The following CD163L1 variants were observed in gnomAD, a reference collection of about 807,000 sequenced individuals.
The protein encoded by CD163L1 is CD163 molecule like 1.
Under a neutral mutation model 165.4 loss-of-function variants are expected in CD163L1, and 124 were observed. The observed-to-expected ratio is 0.75, with a 90% CI of 0.65 to 0.87. The LOEUF is 0.87. CD163L1 is among the 40% of genes least tolerant of loss of function. The probability of loss-of-function intolerance (pLI) is 0.00; values close to 1 mark genes in which losing one functional copy is unlikely to be tolerated. For synonymous variants in CD163L1, 585 were observed against 662.2 expected (o/e 0.88, Z 1.79); for missense variants, 1,525 against 1,799.9 (o/e 0.85, Z 2.76).
chr12:7,396,536 G>T, intron 7 of CD163L1, 121 bp from the exon 8 acceptor site: 1 of 961,322 alleles, frequency 1.0e-6, no homozygotes, highest in Non-Finnish European at 1.5e-6. Flanking sequence ...GTGCTGTGAA[G>T]GTATTTTTTC....
At chr12:7,327,346 G>A in the CD163L1 span, among the ~76,000 whole-genome samples, 1 of 152,156 alleles carries the variant, frequency 6.6e-6, no homozygotes, top group Non-Finnish European at 1.5e-5. Context: ...GGACTAACTA[G>A]TCCCATTCTG....
chr12:7,375,265 A>G lies in CD163L1; in HGVS notation c.3001+16T>C. The G allele has an allele frequency of 1.9e-6, 3 of 1,611,540 alleles. No individual in the cohort carries two copies. The highest frequency in any genetic ancestry group is 2.5e-6 in the Non-Finnish European group (3 of 1,178,238). ...GCTATATTGACAGTAGTTAACCATA[A>G]GCACTATTCTCTTACCTGTGCAGAT... On this transcript the variant is annotated intron_variant, in intron 11 of 19. Coordinates refer to ENST00000313599, the MANE Select transcript of CD163L1 (RefSeq NM_174941.6).
chr12:7,331,530 C>T, the CD163L1 span, among the ~76,000 whole-genome samples: 9 of 152,332 alleles, frequency 5.9e-5, no homozygotes, highest in Middle Eastern at 3.4e-3. Flanking sequence ...GGGAGGCACC[C>T]CCCAGTAGGG....
At chr12:7,332,772 T>G in the CD163L1 span, among the ~76,000 whole-genome samples, 2 of 151,808 alleles carry the variant, frequency 1.3e-5, no homozygotes, top group Admixed American at 6.6e-5. Context: ...CTAAAAGAGC[T>G]CCTGAAGGAA....
chr12:7,364,125 T>G (rs1037136317), intron 18 of CD163L1, among the ~76,000 whole-genome samples: 1 of 152,106 alleles, frequency 6.6e-6, no homozygotes, highest in African/African-American at 2.4e-5. Flanking sequence ...ATGCAAAGAT[T>G]GTTCAACATG....
the CD163L1 span, among the ~76,000 whole-genome samples, chr12:7,335,826 C>A: frequency 6.6e-6 from 1 of 152,320 alleles, no homozygotes; most frequent in African/African-American, 2.4e-5. Context: ...AAACAAACAA[C>A]CCCATCAAAA....
At chr12:7,441,097 G>A (rs754322214) in intron 2 of CD163L1, 57 bp downstream of exon 2, 178 of 1,226,578 alleles carry the variant, frequency 1.5e-4, no homozygotes, top group Non-Finnish European at 2.0e-4. Flanking sequence ...GTAGTGAGTA[G>A]GGGAAAGGTA....
Position 7,373,345 on chromosome 12 carries a change from T to G in CD163L1, c.3705A>C (p.Ala1235=). ...CTTCACATGTGATCCAGGTCTCTTC[T>G]GCTGGGCTGGAGATTCTTCGCTCCC... ...APWERRISSP[A]EETWITCEDR... is the part of the protein sequence containing the mutation. The change falls in exon 14 of 20, where the codon GCA becomes GCC. Residue 1235 remains alanine, a synonymous_variant. Coordinates refer to ENST00000313599, the MANE Select transcript of CD163L1 (RefSeq NM_174941.6). 6.2e-7 allele frequency: 1 copy of G among 1,613,336 alleles called. No individual in the cohort carries two copies. Among genetic ancestry groups the G allele is most frequent in the Non-Finnish European group, 8.5e-7 (1 of 1,179,474 alleles).
At chr12:7,423,756 AC>A (rs1948484940) in intron 4 of CD163L1, among the ~76,000 whole-genome samples, 1 of 152,156 alleles carries the variant, frequency 6.6e-6, no homozygotes, top group Admixed American at 6.5e-5. Flanking sequence ...CTGGACACAT[AC>A]CCCCTCCCAA....
At chr12:7,359,661 G>C (rs754629681) in intron 18 of CD163L1, among the ~76,000 whole-genome samples, 1 of 152,000 alleles carries the variant, frequency 6.6e-6, no homozygotes, top group African/African-American at 2.4e-5. Context: ...TCTGATCTAC[G>C]AAAAGAAAAG....
chr12:7,375,631 A>C, intron 10 of CD163L1, 36 bp from the exon 11 acceptor site: 8 of 1,610,360 alleles, frequency 5.0e-6, no homozygotes, highest in Non-Finnish European at 6.8e-6. Context: ...AGACATCATG[A>C]CTTATCAGCT....
chr12:7,348,743 A>G (rs1375307466), intron 4 of CD163L1, among the ~76,000 whole-genome samples: 2 of 152,166 alleles, frequency 1.3e-5, no homozygotes, highest in African/African-American at 2.4e-5. Context: ...TACATAGTTA[A>G]TAAATATTCA....
At chr12:7,421,050 T>TGTATATATATAC (rs1948351402) in intron 4 of CD163L1, among the ~76,000 whole-genome samples, 2 of 85,120 alleles carry the variant, frequency 2.3e-5, no homozygotes, top group Admixed American at 1.7e-4. Context: ...TATATATATG[T>TGTATATATATAC]ATATACGTAT....
At chr12:7,324,973 C>A in the CD163L1 span, among the ~76,000 whole-genome samples, 1 of 152,176 alleles carries the variant, frequency 6.6e-6, no homozygotes, top group African/African-American at 2.4e-5. Flanking sequence ...TCCAGTTGAT[C>A]AGATTCTTCC....
the CD163L1 span, among the ~76,000 whole-genome samples, chr12:7,319,738 A>G: frequency 6.6e-6 from 1 of 152,164 alleles, no homozygotes; most frequent in Non-Finnish European, 1.5e-5. Flanking sequence ...AAAAGGTCTT[A>G]CTTAACATAA....
chr12:7,438,038 C>T (rs1426126059), intron 2 of CD163L1, among the ~76,000 whole-genome samples: 1 of 152,082 alleles, frequency 6.6e-6, no homozygotes, highest in Non-Finnish European at 1.5e-5. Flanking sequence ...TTTTTGCTTA[C>T]ATTACACACA....
chr12:7,433,081 T>C (rs746203833), intron 3 of CD163L1, among the ~76,000 whole-genome samples: 29 of 152,216 alleles, frequency 1.9e-4, no homozygotes, highest in Non-Finnish European at 3.7e-4. Context: ...AACTTCTTCA[T>C]TTCTTTCTAA....
rs144103981 is a variant in CD163L1, at chr12:7,393,853, C to T, written c.2050+2242G>A. Among the ~76,000 whole-genome samples the T allele has an allele frequency of 4.7e-4, 71 of 152,158 alleles. 1 individual carries two copies. The East Asian group carries it at 0.013, about 28-fold the overall frequency. ...AAAGAGAATAAAATACCTAGGAATCCAACTTACAAGGGATGTGAAGGACTT... is the reference window on the plus strand; with the variant it reads ...AAAGAGAATAAAATACCTAGGAATCTAACTTACAAGGGATGTGAAGGACTT... On this transcript the variant is annotated intron_variant, in intron 8 of 19. Coordinates refer to ENST00000313599, the MANE Select transcript of CD163L1 (RefSeq NM_174941.6).
chr12:7,324,168 A>G, the CD163L1 span: 1 of 1,364,316 alleles, frequency 7.3e-7, no homozygotes, highest in East Asian at 2.6e-5. Flanking sequence ...AAAAAAAAAA[A>G]TTTCCTATAT....
Sources: gnomAD v4.1 joint callset for allele counts (sites outside exome capture counted in the v4.1 genomes callset) on GRCh38, gnomAD v4.1.1 for gene constraint, MANE v1.5 for transcripts, NCBI Gene and HGNC (gene_info 2026-07-23, HGNC 2026-07-21) for gene names.